GPR39: variants seen among roughly 807,000 people sequenced by gnomAD.
GPR39 encodes G protein-coupled receptor 39.
A neutral mutation model predicts 18.4 loss-of-function variants in GPR39; 23 were observed. That is an observed-to-expected ratio of 1.25 (90% CI 0.90 to 1.77). The LOEUF (loss-of-function observed/expected upper bound fraction) is 1.77. Among genes scored for constraint, GPR39 ranks in the 40% most tolerant of loss-of-function variants. The pLI is 0.00. For missense variants in GPR39, 647 were observed against 602.4 expected, an observed-to-expected ratio of 1.07 and a Z score of -0.78; for synonymous variants, 280 against 257.9, an observed-to-expected ratio of 1.09 and a Z score of -0.82.
chr2:132,510,655 C>G (rs1292054710), intron 1 of GPR39, among the ~76,000 whole-genome samples: 5 of 152,138 alleles, frequency 3.3e-5, no homozygotes. Flanking sequence ...AGAGAATAGT[C>G]CTGAAATTTT....
intron 1 of GPR39, among the ~76,000 whole-genome samples, chr2:132,464,921 A>G (rs1680900393): frequency 1.3e-5 from 2 of 152,200 alleles, no homozygotes; most frequent in Non-Finnish European, 2.9e-5. Context: ...GCAATACCAG[A>G]AAATTACCTT....
Position 132,540,710 on chromosome 2 carries a change from C to G in GPR39, c.857-104391C>G, listed in dbSNP as rs553706346. ...CCACTGCCCATCAGCTGCAAGGGTG[C>G]TATTAAAGGCAATCTTGGTGTTACT... On this transcript the variant is annotated intron_variant, in intron 1 of 1. Transcript: ENST00000329321. Among the ~76,000 whole-genome samples, 60 of 152,214 alleles carry G rather than the reference C, an allele frequency of 3.9e-4. No individual in the cohort carries two copies. The East Asian group carries it at 0.012, about 29-fold the overall frequency.
chr2:132,556,855 CT>C (rs1680160956), intron 1 of GPR39, among the ~76,000 whole-genome samples: 1 of 152,196 alleles, frequency 6.6e-6, no homozygotes, highest in Non-Finnish European at 1.5e-5. Context: ...ACCAAGGCTC[CT>C]TTCCTTAGGG....
At chr2:132,455,415 A>G (rs566420201) in intron 1 of GPR39, among the ~76,000 whole-genome samples, 67 of 152,104 alleles carry the variant, frequency 4.4e-4, no homozygotes, top group African/African-American at 1.6e-3. Context: ...AATTTTGTTG[A>G]TCTTTTCAAA....
chr2:132,617,078 T>G (rs1280975427), intron 1 of GPR39, among the ~76,000 whole-genome samples: 1 of 152,248 alleles, frequency 6.6e-6, no homozygotes, highest in Non-Finnish European at 1.5e-5. Flanking sequence ...CAACGTAGCC[T>G]TGGGTCTTCC....
intron 1 of GPR39, among the ~76,000 whole-genome samples, chr2:132,437,737 T>C (rs1414537182): frequency 1.3e-5 from 2 of 152,208 alleles, no homozygotes; most frequent in African/African-American, 4.8e-5. Context: ...ATTAGACATG[T>C]TCCTTGACTG....
intron 1 of GPR39, among the ~76,000 whole-genome samples, chr2:132,458,458 TTGTGTGTGTGTGTGTGTGTGTGTG>T (rs57137481): frequency 7.6e-6 from 1 of 132,128 alleles, no homozygotes; most frequent in South Asian, 2.7e-4. Flanking sequence ...CTCGGTGTGT[TTGTGTGTGTGTGTGTGTGTGTGTG>T]TGTGTGTGTG....
chr2:132,448,382 A>G (rs1383848580), intron 1 of GPR39, among the ~76,000 whole-genome samples: 1 of 152,178 alleles, frequency 6.6e-6, no homozygotes, highest in Non-Finnish European at 1.5e-5. Flanking sequence ...GGCTTTCTCT[A>G]ACGTTTTGTT....
chr2:132,530,910 T>C (rs894812820), intron 1 of GPR39, among the ~76,000 whole-genome samples: 1 of 152,130 alleles, frequency 6.6e-6, no homozygotes, highest in African/African-American at 2.4e-5. Flanking sequence ...TGCCAAATTG[T>C]AAAGACCATC....
Position 132,533,605 on chromosome 2 carries a change from G to C in GPR39, c.857-111496G>C, listed in dbSNP as rs1318532669. On this transcript the variant is annotated intron_variant, in intron 1 of 1. Coordinates refer to ENST00000329321, the MANE Select transcript of GPR39 (RefSeq NM_001508.3). ...ACCTGACTTCAAACTATATTACAAG[G>C]CTACAGTAACCAAAACAGCATGGTA... Among the ~76,000 whole-genome samples the C allele has an allele frequency of 1.2e-4, 19 of 152,044 alleles. No individual in the cohort carries two copies. The South Asian group carries it at 1.7e-3, about 13-fold the overall frequency.
At chr2:132,531,294 G>A (rs1419823762) in intron 1 of GPR39, among the ~76,000 whole-genome samples, 3 of 152,224 alleles carry the variant, frequency 2.0e-5, no homozygotes, top group African/African-American at 7.2e-5. Context: ...AATTCAACAA[G>A]AAGAGCTAAC....
chr2:132,633,620 C>A (rs1000738896), intron 1 of GPR39, among the ~76,000 whole-genome samples: 1 of 152,102 alleles, frequency 6.6e-6, no homozygotes, highest in African/African-American at 2.4e-5. Flanking sequence ...TCTCTGACCT[C>A]TAGGAGTGGT....
At chr2:132,539,926 T>C (rs913155415) in intron 1 of GPR39, among the ~76,000 whole-genome samples, 4 of 152,120 alleles carry the variant, frequency 2.6e-5, no homozygotes, top group Non-Finnish European at 4.4e-5. Flanking sequence ...TGTGGAGGAA[T>C]CTGTAACCCC....
intron 1 of GPR39, among the ~76,000 whole-genome samples, chr2:132,601,732 T>TA (rs1173610740): frequency 6.6e-6 from 1 of 152,068 alleles, no homozygotes; most frequent in Non-Finnish European, 1.5e-5. Context: ...AGTTGCAGGA[T>TA]AAAAACATGC....
chr2:132,453,090 C>T (rs1680659069), intron 1 of GPR39, among the ~76,000 whole-genome samples: 1 of 152,174 alleles, frequency 6.6e-6, no homozygotes, highest in African/African-American at 2.4e-5. Flanking sequence ...AATTTACACT[C>T]CCACCAACAG....
chr2:132,518,973 T>C (rs1679379013), intron 1 of GPR39, among the ~76,000 whole-genome samples: 1 of 152,218 alleles, frequency 6.6e-6, no homozygotes, highest in African/African-American at 2.4e-5. Flanking sequence ...CTAGATTGAA[T>C]TTCTTCATTC....
intron 1 of GPR39, among the ~76,000 whole-genome samples, chr2:132,498,210 C>T (rs1300252294): frequency 6.6e-6 from 1 of 152,030 alleles, no homozygotes; most frequent in Non-Finnish European, 1.5e-5. Context: ...TACACTGTAC[C>T]CACTGTGTAG....
chr2:132,576,162 T>C (rs1680524338), intron 1 of GPR39, among the ~76,000 whole-genome samples: 1 of 152,242 alleles, frequency 6.6e-6, no homozygotes, highest in African/African-American at 2.4e-5. Flanking sequence ...ATTATTTCTT[T>C]TTTTACTGTT....
chr2:132,620,787 C>A (rs1573702694), intron 1 of GPR39, among the ~76,000 whole-genome samples: 1 of 152,126 alleles, frequency 6.6e-6, no homozygotes, highest in Non-Finnish European at 1.5e-5. Flanking sequence ...GAGTCTCGCT[C>A]TGTCACCCAG....
Sources: gnomAD v4.1 joint callset for allele counts (sites outside exome capture counted in the v4.1 genomes callset) on GRCh38, gnomAD v4.1.1 for gene constraint, MANE v1.5 for transcripts, NCBI Gene and HGNC (gene_info 2026-07-23, HGNC 2026-07-21) for gene names.